Variants in LAMA1 observed in about 807,000 individuals in gnomAD.
The protein encoded by LAMA1 is laminin subunit alpha 1.
LAMA1 carries 219 observed loss-of-function variants against 348.7 expected under a neutral mutation model. The ratio of observed to expected loss-of-function variants is 0.63; its 90% confidence interval spans 0.56 to 0.70. LAMA1 has a LOEUF of 0.70. LAMA1 is among the 30% of genes least tolerant of loss of function. The pLI is 0.00. For synonymous variants in LAMA1, 1,487 were observed against 1,491.0 expected (o/e 1.00, Z 0.06); for missense variants, 3,744 against 3,888.0 (o/e 0.96, Z 0.99).
rs182391168 is a variant in LAMA1, at chr18:7,009,187, G to A, written c.4001+52C>T. 703 of 1,608,898 alleles carry A rather than the reference G, an allele frequency of 4.4e-4. 4 individuals carry two copies. The African/African-American group carries it at 8.6e-3, about 20-fold the overall frequency. ...AAGTGAAGTGAGTCAAATTCTTTCA[G>A]TTTGCTTTCAAATATGAAAATAACG... On this transcript the variant is annotated intron_variant, in intron 27 of 62. Coordinates refer to ENST00000389658, the MANE Select transcript of LAMA1 (RefSeq NM_005559.4).
chr18:7,101,114 G>A (rs1382197669), intron 1 of LAMA1, among the ~76,000 whole-genome samples: 1 of 152,092 alleles, frequency 6.6e-6, no homozygotes, highest in Non-Finnish European at 1.5e-5. Flanking sequence ...AAGATTTCTG[G>A]GCACAAATGA....
rs1035614989 is a variant in LAMA1 at position 7,009,276 on chromosome 18, T to A, written c.3964A>T (p.Ile1322Phe). The change falls in exon 27 of 63, where the codon ATC (isoleucine) becomes TTC (phenylalanine). Residue 1322 changes from isoleucine (I) to phenylalanine (F), a missense_variant. By Grantham distance (21) the Ile-to-Phe change is conservative (BLOSUM62 0). Around this residue, in one of 3 missense-constraint regions of LAMA1, gnomAD observed 1,983 missense variants for 1,934.3 expected, o/e 1.03. Coordinates refer to ENST00000389658, the MANE Select transcript of LAMA1 (RefSeq NM_005559.4). ...SVLSDIEYIL[I>F]KASYGQGLQQ... ...AATCCTTGACCATACGATGCCTTGATGAGGATGTACTCAATATCGCTGAGG... is the reference window on the plus strand; with the variant it reads ...AATCCTTGACCATACGATGCCTTGAAGAGGATGTACTCAATATCGCTGAGG... 4.3e-6 allele frequency: 7 copies of A among 1,614,002 alleles called. No individual in the cohort carries two copies. The highest frequency in any genetic ancestry group is 5.9e-6 in the Non-Finnish European group (7 of 1,179,998).
chr18:7,095,128 CTCTCTCTCT>C (rs2058255783), intron 1 of LAMA1, among the ~76,000 whole-genome samples: 1 of 26,320 alleles, frequency 3.8e-5, no homozygotes, highest in African/African-American at 1.2e-4. Context: ...ACCTTTCTCT[CTCTCTCTCT>C]CTCTCTCTCT....
intron 21 of LAMA1, among the ~76,000 whole-genome samples, chr18:7,016,093 T>A (rs1265215970): frequency 6.6e-6 from 1 of 150,982 alleles, no homozygotes; most frequent in Non-Finnish European, 1.5e-5. Flanking sequence ...GAGAAAAGAG[T>A]GAAAAAGCCC....
At chr18:7,046,655 TAAA>T (rs979683542) in intron 5 of LAMA1, among the ~76,000 whole-genome samples, 3 of 152,170 alleles carry the variant, frequency 2.0e-5, no homozygotes, top group Non-Finnish European at 4.4e-5. Flanking sequence ...TTGAAAACCG[TAAA>T]ATAATTGGCA....
intron 56 of LAMA1, chr18:6,956,426 T>C: frequency 1.3e-6 from 1 of 768,252 alleles, no homozygotes; most frequent in Non-Finnish European, 2.3e-6. Flanking sequence ...TGTTGGGGCC[T>C]ACAATCTATG....
chr18:7,045,409 G>T (rs1313538253), intron 6 of LAMA1, among the ~76,000 whole-genome samples: 1 of 152,092 alleles, frequency 6.6e-6, no homozygotes, highest in Non-Finnish European at 1.5e-5. Flanking sequence ...TGCGGAGGTT[G>T]CAGTGAGCCG....
intron 3 of LAMA1, among the ~76,000 whole-genome samples, chr18:7,062,617 G>A (rs949228031): frequency 2.6e-5 from 4 of 152,188 alleles, no homozygotes; most frequent in African/African-American, 4.8e-5. Flanking sequence ...CCAGAGCAGA[G>A]ATAAAAGCAA....
At chr18:6,968,352 G>A (rs745317018) in intron 48 of LAMA1, among the ~76,000 whole-genome samples, 2 of 152,154 alleles carry the variant, frequency 1.3e-5, no homozygotes, top group Non-Finnish European at 2.9e-5. Context: ...CCCTGCTGCC[G>A]TCATGCGAGG....
intron 1 of LAMA1, among the ~76,000 whole-genome samples, chr18:7,080,741 A>G (rs956892315): frequency 2.0e-5 from 3 of 152,158 alleles, no homozygotes; most frequent in African/African-American, 7.2e-5. Flanking sequence ...TATCTCGATA[A>G]AGCTTTGGGT....
At chr18:6,955,146 C>T (rs535688997) in intron 57 of LAMA1, 48 of 595,272 alleles carry the variant, frequency 8.1e-5, no homozygotes, top group African/African-American at 6.1e-4. Context: ...AGGGAAAAGG[C>T]AGAAACCACA....
At position 7,012,040 on chromosome 18, in the gene LAMA1, C is replaced by T. The variant is rs1464168284; in HGVS notation, c.3462G>A (p.Gly1154=). ...CCAGCTCTGAGCAGAGGTGGGACAGCCCGGAGCAGAAGCACGGGCTGCAGC... is the reference window on the plus strand; with the variant it reads ...CCAGCTCTGAGCAGAGGTGGGACAGTCCGGAGCAGAAGCACGGGCTGCAGC... ...PLGCSPCFCS[G]LSHLCSELED... is the part of the protein sequence containing the mutation. Residue 1154 remains glycine (G), a synonymous_variant, in exon 24 of 63, where the codon GGG becomes GGA. Transcript: ENST00000389658. The T allele has an allele frequency of 6.2e-7, 1 of 1,610,864 alleles. No individual in the cohort carries two copies. Among genetic ancestry groups the T allele is most frequent in the Admixed American group, 1.7e-5 (1 of 59,628 alleles).
At chr18:7,061,134 G>T (rs2058100531) in intron 3 of LAMA1, among the ~76,000 whole-genome samples, 1 of 152,186 alleles carries the variant, frequency 6.6e-6, no homozygotes, top group East Asian at 1.9e-4. Flanking sequence ...CTCCAGCCTG[G>T]ATGACAGAGC....
At chr18:7,108,639 T>G (rs1481855522) in intron 1 of LAMA1, among the ~76,000 whole-genome samples, 1 of 13,046 alleles carries the variant, frequency 7.7e-5, no homozygotes, top group African/African-American at 6.3e-4. Context: ...AGACTCTGTC[T>G]CAAAAAAAAA....
intron 57 of LAMA1, 108 bp downstream of exon 57, chr18:6,955,245 T>C: frequency 1.2e-6 from 1 of 869,504 alleles, no homozygotes; most frequent in Non-Finnish European, 1.9e-6. Flanking sequence ...ATCAAGCACT[T>C]CATCATAAAA....
In LAMA1 at chr18:7,026,084, C is replaced by T; in HGVS notation, c.2297G>A (p.Gly766Asp). The change falls in exon 17 of 63, where the codon GGC becomes GAC. Residue 766 changes from glycine to aspartate, a missense_variant. Gly to Asp is a moderately conservative substitution (Grantham distance 94). Around this residue, in one of 3 missense-constraint regions of LAMA1, gnomAD observed 1,529 missense variants for 1,689.4 expected, o/e 0.91. Coordinates refer to ENST00000389658, the MANE Select transcript of LAMA1 (RefSeq NM_005559.4). ...VCIACAHNTT[G>D]VHCEQCLPGF... is the part of the protein sequence containing the mutation. The stretch of plus-strand genomic sequence containing the variant: ...GGGCAAGCACTGCTCACAGTGGACG[C>T]CGGTGGTGTTGTGCGCACACGCCTA... The T allele has an allele frequency of 6.2e-7, 1 of 1,611,432 alleles. No individual in the cohort carries two copies. The highest frequency in any genetic ancestry group is 1.3e-5 in the African/African-American group (1 of 75,016).
intron 41 of LAMA1, among the ~76,000 whole-genome samples, chr18:6,982,164 C>T (rs1318966837): frequency 1.3e-5 from 2 of 152,042 alleles, no homozygotes; most frequent in Admixed American, 6.6e-5. Flanking sequence ...GAGGAGCACA[C>T]GCAATCAAAG....
At chr18:7,014,148 G>A in intron 22 of LAMA1, 97 bp from the exon 23 acceptor site, 1 of 959,060 alleles carries the variant, frequency 1.0e-6, no homozygotes, top group Non-Finnish European at 1.6e-6. Context: ...ATGTGGGGAA[G>A]TTCTACAAAT....
intron 42 of LAMA1, among the ~76,000 whole-genome samples, chr18:6,978,595 T>C (rs1023833737): frequency 6.6e-6 from 1 of 152,154 alleles, no homozygotes; most frequent in Non-Finnish European, 1.5e-5. Context: ...AAGCTGCATA[T>C]CATATGCTCT....
Sources: allele counts gnomAD v4.1 joint callset (sites outside exome capture counted in the v4.1 genomes callset), GRCh38; gene constraint gnomAD v4.1.1; regional missense constraint gnomAD v4.1.1; transcripts MANE v1.5; gene names NCBI Gene and HGNC (gene_info 2026-07-23, HGNC 2026-07-21).